Variants in ZMYM6 observed in about 807,000 individuals in gnomAD.
ZMYM6 encodes zinc finger MYM-type protein 6.
A neutral mutation model predicts 134.0 loss-of-function variants in ZMYM6; 90 were observed. That is an observed-to-expected ratio of 0.67 (90% CI 0.57 to 0.80). ZMYM6 has a LOEUF of 0.80. ZMYM6 is among the 30% of genes least tolerant of loss of function. ZMYM6 has a pLI of 0.00. For missense variants in ZMYM6, 1,362 were observed against 1,533.9 expected (o/e 0.89, Z 1.87); for synonymous variants, 481 against 524.1 (o/e 0.92, Z 1.12).
In ZMYM6 at chr1:35,020,886, ACAG is replaced by A. The variant is rs973161713; in HGVS notation, c.94-422_94-420del. ...ACACCCGGCCCTATTCATCTCTTAA[ACAG>A]TCTAATCATAAATACCTTCACAAGC... On this transcript the variant is annotated intron_variant, in intron 2 of 15. Coordinates refer to ENST00000357182, the MANE Select transcript of ZMYM6 (RefSeq NM_007167.4). Among the ~76,000 whole-genome samples the A allele has an allele frequency of 3.5e-4, 53 of 151,686 alleles. 1 individual carries two copies. Among genetic ancestry groups the A allele is most frequent in the Middle Eastern group, 3.5e-3 (1 of 288 alleles).
At chr1:35,003,180 CAAAAAAAA>C (rs202093628) in intron 14 of ZMYM6, among the ~76,000 whole-genome samples, 6,998 of 63,170 alleles carry the variant, frequency 0.11, 412 homozygotes, top group East Asian at 0.47. Context: ...GACCCTGTCT[CAAAAAAAA>C]AAAAAAAAAA....
chr1:35,020,425 A>G lies in ZMYM6; in HGVS notation c.136T>C (p.Leu46=). ...ACTGAAGACACACCACCAATTTTCAATTTACTTTCTTGAGTTTTTGGCTGT... is the reference window on the plus strand; with the variant it reads ...ACTGAAGACACACCACCAATTTTCAGTTTACTTTCTTGAGTTTTTGGCTGT... ...VQQPKTQESK[L]KIGGVSSVNE... The change falls in exon 3 of 16, where the codon TTG becomes CTG. Residue 46 remains leucine (L), a synonymous_variant. Coordinates refer to ENST00000357182, the MANE Select transcript of ZMYM6 (RefSeq NM_007167.4). 6.2e-7 allele frequency: 1 copy of G among 1,612,528 alleles called. No individual in the cohort carries two copies. The highest frequency in any genetic ancestry group is 1.1e-5 in the South Asian group (1 of 90,980).
intron 7 of ZMYM6, 152 bp from the exon 8 acceptor site, chr1:35,012,157 C>T (rs1641098839): frequency 1.6e-6 from 1 of 618,228 alleles, no homozygotes; most frequent in South Asian, 3.1e-5. Flanking sequence ...CCACAACTAA[C>T]CTCTATTAAG....
chr1:35,024,414 A>G lies in ZMYM6; in HGVS notation c.94-3947T>C, dbSNP rs572580519. On this transcript the variant is annotated intron_variant, in intron 2 of 15. Coordinates refer to ENST00000357182, the MANE Select transcript of ZMYM6 (RefSeq NM_007167.4). Reference sequence around the variant, plus strand: ...TTTATGTGCAAATGCCTCCTTGTGCAGTTTACCACTTGAATGTCCCACAAG... The same window carrying G: ...TTTATGTGCAAATGCCTCCTTGTGCGGTTTACCACTTGAATGTCCCACAAG... Among the ~76,000 whole-genome samples the G allele has an allele frequency of 8.5e-5, 13 of 152,336 alleles. No individual in the cohort carries two copies. In the South Asian group the frequency reaches 2.7e-3, roughly 32 times the overall value.
intron 14 of ZMYM6, among the ~76,000 whole-genome samples, chr1:34,994,648 T>C (rs1276888569): frequency 2.0e-5 from 3 of 152,154 alleles, no homozygotes; most frequent in African/African-American, 7.2e-5. Context: ...AAATTTAATT[T>C]AAACAAAAGT....
intron 4 of ZMYM6, chr1:35,018,268 C>G (rs568558994): frequency 2.0e-5 from 3 of 151,532 alleles, no homozygotes; most frequent in African/African-American, 7.3e-5. Flanking sequence ...CATCTGAGCC[C>G]GGGGAGTTCA....
rs749882695 is a variant in ZMYM6 at position 35,015,015 on chromosome 1, C to T, written c.576G>A (p.Lys192=). 2.2e-5 allele frequency: 35 copies of T among 1,612,904 alleles called. No individual in the cohort carries two copies. The South Asian group carries it at 3.2e-4, about 15-fold the overall frequency. ...VTIYTKSIST[K]CSMCQKNADT... is the part of the protein sequence containing the mutation. ...CAGCATTCTTCTGACACATACTGCA[C>T]TTAGTTGAAATGCTTTTGGTATATA... The change falls in exon 5 of 16, where the codon AAG becomes AAA. Residue 192 remains lysine (K), a synonymous_variant. Coordinates refer to ENST00000357182, the MANE Select transcript of ZMYM6 (RefSeq NM_007167.4).
Position 34,988,420 on chromosome 1 carries a change from C to T in ZMYM6, c.2662G>A (p.Asp888Asn), listed in dbSNP as rs753794996. 1 of 1,551,476 alleles carries T rather than the reference C, an allele frequency of 6.4e-7. No homozygotes were observed. Among genetic ancestry groups the T allele is most frequent in the Admixed American group, 2.0e-5 (1 of 50,984 alleles). Residue 888 changes from aspartate to asparagine, a missense_variant, in exon 16 of 16, where the codon GAT becomes AAT. Asp to Asn is a conservative substitution (Grantham distance 23). This residue lies in a region of ZMYM6 where 824 missense variants were observed against 940.9 expected (regional missense o/e 0.88). Coordinates refer to ENST00000357182, the MANE Select transcript of ZMYM6 (RefSeq NM_007167.4). Reference sequence around the variant, plus strand: ...TCTTCAATGTCTGCAGATAGTTCATCAATCCTGTGTTGAATTGTAACATTA... The same window carrying T: ...TCTTCAATGTCTGCAGATAGTTCATTAATCCTGTGTTGAATTGTAACATTA... ...LSNVTIQHRI[D>N]ELSADIEDQL...
chr1:34,987,620 C>G lies in ZMYM6; in HGVS notation c.3462G>C (p.Trp1154Cys). 6.2e-7 allele frequency: 1 copy of G among 1,601,422 alleles called. No homozygotes were observed. Among genetic ancestry groups the G allele is most frequent in the Middle Eastern group, 1.7e-4 (1 of 6,054 alleles). Residue 1154 changes from tryptophan to cysteine, a missense_variant, in exon 16 of 16, where the codon TGG (tryptophan) becomes TGC (cysteine). Physicochemically the swap from Trp to Cys is radical, Grantham distance 215 (BLOSUM62 -2). Around this residue, in one of 3 missense-constraint regions of ZMYM6, gnomAD observed 824 missense variants for 940.9 expected, o/e 0.88. Transcript: ENST00000357182. ...AATCATTCTCTTGTGTGCGCTTCAA[C>G]CACATTTTTAACTTTCTCTTAAATA... ...IDVFKRKLKM[W>C]LKRTQENDYD...
intron 15 of ZMYM6, among the ~76,000 whole-genome samples, chr1:34,990,947 C>G (rs1215017990): frequency 6.6e-6 from 1 of 152,172 alleles, no homozygotes; most frequent in African/African-American, 2.4e-5. Context: ...TCACCGCAAC[C>G]TCTACCTCCC....
chr1:34,988,589 A>G lies in ZMYM6; in HGVS notation c.2493T>C (p.Ala831=), dbSNP rs1640611492. ...CLLVEKSLVK[A]SYLIAFQTAA... is the part of the protein sequence containing the mutation. ...CAGTTTGGAAAGCAATTAAATAAGAAGCTTTCACAAGTGACTTTTCAACTA... is the reference window on the plus strand; with the variant it reads ...CAGTTTGGAAAGCAATTAAATAAGAGGCTTTCACAAGTGACTTTTCAACTA... Residue 831 remains alanine (A), a synonymous_variant, in exon 16 of 16, where the codon GCT becomes GCC. Coordinates refer to ENST00000357182, the MANE Select transcript of ZMYM6 (RefSeq NM_007167.4). 1 of 1,550,776 alleles carries G rather than the reference A, an allele frequency of 6.4e-7. No individual in the cohort carries two copies. The highest frequency in any genetic ancestry group is 2.0e-5 in the Admixed American group (1 of 50,920).
intron 1 of ZMYM6, chr1:35,031,565 G>A (rs1220332022): frequency 1.3e-5 from 2 of 152,346 alleles, no homozygotes; most frequent in South Asian, 2.1e-4. Flanking sequence ...CCTCCTCTGA[G>A]AACCGCACGC....
intron 7 of ZMYM6, 37 bp from the exon 8 acceptor site, chr1:35,012,042 T>C: frequency 7.6e-7 from 1 of 1,312,284 alleles, no homozygotes; most frequent in Middle Eastern, 1.9e-4. Flanking sequence ...GATTAAGTTA[T>C]ACCAATGAAC....
chr1:35,020,400 A>T lies in ZMYM6; in HGVS notation c.161T>A (p.Val54Asp). Residue 54 changes from valine (V) to aspartate (D), a missense_variant, in exon 3 of 16, where the codon GTT becomes GAT. This residue lies in a region of ZMYM6 where 503 missense variants were observed against 520.8 expected (regional missense o/e 0.97). Transcript: ENST00000357182. ...TTTCTTACCAATAGGTCTCTCATTA[A>T]CTGAAGACACACCACCAATTTTCAA... ...SKLKIGGVSS[V>D]NERPIAQQLN... 1 of 1,612,974 alleles carries T rather than the reference A, an allele frequency of 6.2e-7. No homozygotes were observed. The highest frequency in any genetic ancestry group is 1.3e-5 in the African/African-American group (1 of 74,962).
intron 6 of ZMYM6, chr1:35,013,583 G>A: frequency 3.0e-6 from 3 of 985,360 alleles, no homozygotes; most frequent in Non-Finnish European, 3.6e-6. Flanking sequence ...TTTCAGTGAT[G>A]AATGTCCATA....
In ZMYM6 at chr1:35,030,706, T is replaced by C. The variant is rs565044215; in HGVS notation, c.-67A>G. On this transcript the variant is annotated 5_prime_UTR_variant, in exon 2 of 16. Transcript: ENST00000357182. ...TAGATTTCTTCTTGGTAATGGATAG[T>C]TGGACACCTAAAATACATACTCAGG... 3.7e-5 allele frequency: 53 copies of C among 1,417,048 alleles called. No homozygotes were observed. The highest frequency in any genetic ancestry group is 3.1e-4 in the Admixed American group (16 of 51,362). The allele number at this position is 1,417,048 out of a possible 1,614,324, so 87.8% of individuals were successfully genotyped here. A position where few individuals can be genotyped will look rare whatever the true frequency, so the allele number is the denominator to read the frequency against.
At chr1:35,022,023 G>A (rs1034703386) in intron 2 of ZMYM6, among the ~76,000 whole-genome samples, 4 of 152,126 alleles carry the variant, frequency 2.6e-5, no homozygotes, top group Non-Finnish European at 4.4e-5. Flanking sequence ...CAAAATAAAT[G>A]AGTAGCTATG....
At position 35,010,750 on chromosome 1, in the gene ZMYM6, C is replaced by G; in HGVS notation, c.1341+8G>C. 2 of 1,552,166 alleles carry G rather than the reference C, an allele frequency of 1.3e-6. No homozygotes were observed. Among genetic ancestry groups the G allele is most frequent in the Non-Finnish European group, 1.7e-6 (2 of 1,154,652 alleles). Reference sequence around the variant, plus strand: ...TTATATACAATCCCTTTCATGATCTCTCTTTACCTTGTAAAAAAGAAGTTC... The same window carrying G: ...TTATATACAATCCCTTTCATGATCTGTCTTTACCTTGTAAAAAAGAAGTTC... On this transcript the variant is annotated splice_region_variant and intron_variant, in intron 9 of 15. Transcript: ENST00000357182.
chr1:35,006,999 C>G lies in ZMYM6; in HGVS notation c.1765G>C (p.Glu589Gln). The G allele has an allele frequency of 5.6e-6, 9 of 1,612,806 alleles. No individual in the cohort carries two copies. The highest frequency in any genetic ancestry group is 7.6e-6 in the Non-Finnish European group (9 of 1,179,626). ...TTCATAATTTGCTGATGACAAAACT[C>G]CAAGACACAAAATAGGTTACAGAAA... is the stretch of plus-strand genomic sequence containing the variant. ...KHFCNLFCVL[E>Q]FCHQQIMNDC... Residue 589 changes from glutamate (E) to glutamine (Q), a missense_variant, in exon 12 of 16, where the codon GAG (glutamate) becomes CAG (glutamine). By Grantham distance (29) the Glu-to-Gln change is conservative (BLOSUM62 2). Around this residue, in one of 3 missense-constraint regions of ZMYM6, gnomAD observed 824 missense variants for 940.9 expected, o/e 0.88. Transcript: ENST00000357182.
Sources: gnomAD v4.1 joint callset for allele counts (sites outside exome capture counted in the v4.1 genomes callset) on GRCh38, gnomAD v4.1.1 for gene constraint, gnomAD v4.1.1 regional missense constraint, MANE v1.5 for transcripts, NCBI Gene and HGNC (gene_info 2026-07-23, HGNC 2026-07-21) for gene names.